Variants in DOCK1 observed in about 807,000 individuals in gnomAD.
DOCK1 encodes the protein dedicator of cytokinesis 1.
Under a neutral mutation model 262.7 loss-of-function variants are expected in DOCK1, and 138 were observed. That is an observed-to-expected ratio of 0.53 (90% confidence interval 0.46 to 0.61). The LOEUF is 0.61. DOCK1 is among the 20% of genes least tolerant of loss of function. The pLI, the probability that DOCK1 is intolerant of heterozygous loss-of-function variation, is 0.00. For synonymous variants in DOCK1, 866 were observed against 867.4 expected (o/e 1.00, Z 0.03); for missense variants, 1,908 against 2,370.7 (o/e 0.80, Z 4.05).
intron 35 of DOCK1, among the ~76,000 whole-genome samples, chr10:127,374,931 T>G (rs1307253936): frequency 6.6e-6 from 1 of 152,202 alleles, no homozygotes; most frequent in East Asian, 1.9e-4. Context: ...TCTGGAACTG[T>G]GAGAAGAAAC....
intron 28 of DOCK1, among the ~76,000 whole-genome samples, chr10:127,251,973 A>G (rs2134858984): frequency 6.6e-6 from 1 of 152,278 alleles, no homozygotes; most frequent in African/African-American, 2.4e-5. Flanking sequence ...TGACTTCCAC[A>G]TTGGTTGAAC....
intron 1 of DOCK1, among the ~76,000 whole-genome samples, chr10:126,905,960 C>G (rs2030703771): frequency 6.6e-6 from 1 of 152,146 alleles, no homozygotes; most frequent in African/African-American, 2.4e-5. Context: ...GTCACTGTCT[C>G]GCGGCGGCTT....
At chr10:127,196,739 G>GAGA (rs1361805078) in intron 27 of DOCK1, among the ~76,000 whole-genome samples, 4 of 150,170 alleles carry the variant, frequency 2.7e-5, no homozygotes, top group Non-Finnish European at 6.0e-5. Context: ...GGAGGAGGAG[G>GAGA]TGGAAGGAGC....
chr10:126,970,835 C>T (rs750756713), intron 2 of DOCK1, 50 bp downstream of exon 2: 2 of 1,587,342 alleles, frequency 1.3e-6, no homozygotes, highest in East Asian at 2.3e-5. Context: ...GCAGATGGCA[C>T]ACCTTCTCAG....
chr10:127,423,882 G>A (rs948828970), intron 46 of DOCK1, among the ~76,000 whole-genome samples: 1 of 152,128 alleles, frequency 6.6e-6, no homozygotes, highest in Non-Finnish European at 1.5e-5. Context: ...TTAATTAGAG[G>A]TGTGACTTAG....
chr10:127,308,586 GCTGCCAACCCC>G (rs2135481117), intron 29 of DOCK1, among the ~76,000 whole-genome samples: 1 of 152,190 alleles, frequency 6.6e-6, no homozygotes, highest in Non-Finnish European at 1.5e-5. Flanking sequence ...CCCTCCCCTT[GCTGCCAACCCC>G]CTGACAGGCC....
intron 29 of DOCK1, among the ~76,000 whole-genome samples, chr10:127,315,255 G>A (rs1237152518): frequency 6.6e-6 from 1 of 152,138 alleles, no homozygotes; most frequent in East Asian, 1.9e-4. Context: ...CTGTTCTGTG[G>A]ACTATTAAAA....
intron 39 of DOCK1, among the ~76,000 whole-genome samples, chr10:127,403,720 A>G (rs1018996459): frequency 5.3e-5 from 8 of 152,280 alleles, no homozygotes; most frequent in African/African-American, 1.2e-4. Context: ...GATCGCGCCA[A>G]TGCACTCCAG....
At chr10:127,011,770 G>T (rs1038625810) in intron 11 of DOCK1, among the ~76,000 whole-genome samples, 1 of 152,024 alleles carries the variant, frequency 6.6e-6, no homozygotes, top group African/African-American at 2.4e-5. Context: ...TTTGCAAGCA[G>T]TTAGGTTCCA....
chr10:127,334,198 TC>T (rs771936939), intron 29 of DOCK1, among the ~76,000 whole-genome samples: 7 of 152,312 alleles, frequency 4.6e-5, no homozygotes, highest in Non-Finnish European at 8.8e-5. Context: ...TGAACAACGT[TC>T]CGAAGGTCAG....
chr10:127,062,753 AT>A (rs746275519), intron 23 of DOCK1, among the ~76,000 whole-genome samples: 2 of 152,230 alleles, frequency 1.3e-5, no homozygotes, highest in Admixed American at 6.5e-5. Context: ...ATTTGGGGGA[AT>A]TGATGAGAAT....
intron 23 of DOCK1, among the ~76,000 whole-genome samples, chr10:127,103,160 G>T (rs757985954): frequency 2.0e-5 from 3 of 152,162 alleles, no homozygotes; most frequent in Non-Finnish European, 4.4e-5. Flanking sequence ...GAGTTCCATT[G>T]TATGAATTCC....
intron 18 of DOCK1, among the ~76,000 whole-genome samples, chr10:127,033,976 G>A (rs767311187): frequency 1.1e-4 from 17 of 152,040 alleles, no homozygotes; most frequent in Non-Finnish European, 1.8e-4. Flanking sequence ...TGCATTTCTC[G>A]AACCATTTAT....
chr10:126,919,661 G>A (rs2032971603), intron 1 of DOCK1, among the ~76,000 whole-genome samples: 2 of 152,218 alleles, frequency 1.3e-5, no homozygotes, highest in African/African-American at 4.8e-5. Flanking sequence ...AGGGACAAAA[G>A]CTTTCTTATC....
chr10:127,000,135 G>T, intron 9 of DOCK1, 37 bp from the exon 10 acceptor site: 1 of 1,609,116 alleles, frequency 6.2e-7, no homozygotes, highest in Non-Finnish European at 8.5e-7. Flanking sequence ...TTGAATAATG[G>T]GTCTCCAAAA....
At chr10:127,264,100 G>A (rs569460800) in intron 29 of DOCK1, among the ~76,000 whole-genome samples, 2 of 152,298 alleles carry the variant, frequency 1.3e-5, no homozygotes, top group Non-Finnish European at 2.9e-5. Context: ...TTTGGAATTA[G>A]ACTTTCTTGT....
intron 23 of DOCK1, among the ~76,000 whole-genome samples, chr10:127,075,092 A>T (rs1014586249): frequency 6.8e-6 from 1 of 146,286 alleles, no homozygotes; most frequent in Admixed American, 7.1e-5. Flanking sequence ...TCGCCTGAAC[A>T]CAGGAGGTGG....
At chr10:127,378,227 TG>T (rs1235498092) in intron 35 of DOCK1, among the ~76,000 whole-genome samples, 14 of 152,192 alleles carry the variant, frequency 9.2e-5, no homozygotes, top group African/African-American at 3.1e-4. Flanking sequence ...AAATGCAGAG[TG>T]GGGTCCAGTA....
At chr10:126,988,018 T>G (rs2134965569) in intron 5 of DOCK1, 1 of 154,382 alleles carries the variant, frequency 6.5e-6, no homozygotes, top group South Asian at 2.0e-4. Context: ...TTTTTTTTTT[T>G]TTGCCGTTGT....
Sources: gnomAD v4.1 joint callset for allele counts (sites outside exome capture counted in the v4.1 genomes callset) on GRCh38, gnomAD v4.1.1 for gene constraint, MANE v1.5 for transcripts, NCBI Gene and HGNC (gene_info 2026-07-23, HGNC 2026-07-21) for gene names.